The following PHACTR3 variants were observed in gnomAD, a reference collection of about 807,000 sequenced individuals.
The protein encoded by PHACTR3 is protein phosphatase 1, regulatory subunit 123.
A neutral mutation model predicts 66.8 loss-of-function variants in PHACTR3; 16 were observed. The ratio of observed to expected loss-of-function variants is 0.24; its 90% CI spans 0.16 to 0.36. PHACTR3 has a LOEUF of 0.36. Among genes scored for constraint, PHACTR3 ranks in the 10% least tolerant of loss-of-function variants. The probability of loss-of-function intolerance (pLI) is 1.00; values close to 1 mark genes in which losing one functional copy is unlikely to be tolerated. For synonymous variants in PHACTR3, 323 were observed against 292.1 expected (o/e 1.11, Z -1.08); for missense variants, 647 against 719.9 (o/e 0.90, Z 1.16).
At chr20:59,637,605 A>G (rs931579210) in intron 1 of PHACTR3, among the ~76,000 whole-genome samples, 10 of 152,120 alleles carry the variant, frequency 6.6e-5, no homozygotes, top group Admixed American at 5.9e-4. Context: ...TGACCTTGTC[A>G]TTGACTCCTG....
At chr20:59,729,179 A>G (rs1160415297) in intron 1 of PHACTR3, among the ~76,000 whole-genome samples, 1 of 152,050 alleles carries the variant, frequency 6.6e-6, no homozygotes, top group Non-Finnish European at 1.5e-5. Context: ...GGTGTATGCC[A>G]TGTGACCCGA....
chr20:59,780,127 C>A (rs2040673429), intron 7 of PHACTR3, among the ~76,000 whole-genome samples: 1 of 152,160 alleles, frequency 6.6e-6, no homozygotes, highest in African/African-American at 2.4e-5. Flanking sequence ...AGGGAAGAAC[C>A]TACTGATGGA....
At position 59,774,481 on chromosome 20, in the gene PHACTR3, A is replaced by C; in HGVS notation, c.1165A>C (p.Ile389Leu). Residue 389 changes from isoleucine (I) to leucine (L), a missense_variant, in exon 7 of 13, where the codon ATT becomes CTT. Around this residue, in one of 2 missense-constraint regions of PHACTR3, gnomAD observed 577 missense variants for 571.1 expected, o/e 1.01. Coordinates refer to ENST00000371015, the MANE Select transcript of PHACTR3 (RefSeq NM_080672.5). The part of the protein sequence containing the change: ...YQDEEALNDS[I>L]ISGTLPRKCK... ...GGACGAGGAGGCGCTGAACGACTCC[A>C]TTATTTCTGGTGAGGAAAGGATGGC... 6.2e-7 allele frequency: 1 copy of C among 1,613,578 alleles called. No individual in the cohort carries two copies. Among genetic ancestry groups the C allele is most frequent in the Non-Finnish European group, 8.5e-7 (1 of 1,179,712 alleles).
At chr20:59,605,774 A>G (rs1008146825) in intron 1 of PHACTR3, among the ~76,000 whole-genome samples, 4 of 146,458 alleles carry the variant, frequency 2.7e-5, no homozygotes, top group Non-Finnish European at 6.0e-5. Context: ...TGTTTAGGTG[A>G]TAAACCGGTC....
In PHACTR3 at chr20:59,635,425, G is replaced by T. The variant is rs777971092; in HGVS notation, c.118+30293G>T. Among the ~76,000 whole-genome samples, 102 of 150,906 alleles carry T rather than the reference G, an allele frequency of 6.8e-4. 1 individual carries two copies. Among genetic ancestry groups the T allele is most frequent in the Non-Finnish European group, 1.9e-4 (13 of 67,820 alleles). On this transcript the variant is annotated intron_variant, in intron 1 of 12. Transcript: ENST00000371015. ...ATTTTTTTGTATTTATTAGAGACGGGGTTTCACCATGTTAGTCAGGCTGGT... is the reference window on the plus strand; with the variant it reads ...ATTTTTTTGTATTTATTAGAGACGGTGTTTCACCATGTTAGTCAGGCTGGT...
intron 1 of PHACTR3, among the ~76,000 whole-genome samples, chr20:59,596,080 T>C (rs774203509): frequency 4.6e-5 from 7 of 152,158 alleles, no homozygotes; most frequent in Non-Finnish European, 1.0e-4. Flanking sequence ...CCCTCCTCCA[T>C]GGGTAGCTAT....
At chr20:59,718,703 A>G (rs759891978) in intron 1 of PHACTR3, among the ~76,000 whole-genome samples, 1 of 152,230 alleles carries the variant, frequency 6.6e-6, no homozygotes, top group Non-Finnish European at 1.5e-5. Context: ...TGACAGCTGA[A>G]TATTGGCAGT....
intron 1 of PHACTR3, among the ~76,000 whole-genome samples, chr20:59,652,073 C>T (rs1050277277): frequency 4.6e-5 from 7 of 152,078 alleles, no homozygotes; most frequent in African/African-American, 1.2e-4. Context: ...ATGTAACTTC[C>T]AGTCTAAGGG....
intron 1 of PHACTR3, among the ~76,000 whole-genome samples, chr20:59,694,845 G>A (rs2037236958): frequency 6.6e-6 from 1 of 152,174 alleles, no homozygotes; most frequent in African/African-American, 2.4e-5. Context: ...GGTCCAAGGA[G>A]ATAGTGCAGG....
intron 1 of PHACTR3, among the ~76,000 whole-genome samples, chr20:59,686,920 ATTG>A (rs1401999212): frequency 1.5e-5 from 2 of 136,442 alleles, no homozygotes; most frequent in African/African-American, 2.8e-5. Context: ...GATGGTGATG[ATTG>A]TGATGATGGT....
intron 3 of PHACTR3, among the ~76,000 whole-genome samples, chr20:59,750,566 A>G (rs80237393): frequency 0.049 from 7,482 of 152,154 alleles, 261 homozygotes; most frequent in African/African-American, 0.1. Flanking sequence ...GGAAGCAGGA[A>G]AGGGAGAGGG....
Position 59,674,587 on chromosome 20 carries a change from TCTCCTGTCCCCGCTTCTCCTGTTCC to T in PHACTR3, c.119-68518_119-68494del, listed in dbSNP as rs2036338332. ...TTCCCCGCTTCTCCTGTTCCCCCCT[TCTCCTGTCCCCGCTTCTCCTGTTCC>T]CCCCTTCTCCTGTCCCCGCTTCTCC... On this transcript the variant is annotated intron_variant, in intron 1 of 12. Transcript: ENST00000371015. Among the ~76,000 whole-genome samples, 7 of 32,420 alleles carry T rather than the reference TCTCCTGTCCCCGCTTCTCCTGTTCC, an allele frequency of 2.2e-4. 1 individual carries two copies. In the Admixed American group the frequency reaches 2.6e-3, roughly 12 times the overall value. The allele number at this position is 32,420 out of a possible 152,430, so 21.3% of individuals were successfully genotyped here.
At chr20:59,703,565 G>A (rs2037586704) in intron 1 of PHACTR3, among the ~76,000 whole-genome samples, 1 of 152,102 alleles carries the variant, frequency 6.6e-6, no homozygotes, top group African/African-American at 2.4e-5. Flanking sequence ...TTAAACCAAA[G>A]TTTCATTCCA....
At chr20:59,607,360 G>T (rs916375129) in intron 1 of PHACTR3, among the ~76,000 whole-genome samples, 2 of 152,118 alleles carry the variant, frequency 1.3e-5, no homozygotes, top group Admixed American at 6.5e-5. Flanking sequence ...TTCCTAGATA[G>T]CCTCCCTTAT....
At chr20:59,635,152 T>G (rs1203145055) in intron 1 of PHACTR3, among the ~76,000 whole-genome samples, 1 of 36,450 alleles carries the variant, frequency 2.7e-5, no homozygotes. Context: ...TCTTTCTTTT[T>G]CTTTCTTTCT....
At chr20:59,688,542 A>G (rs1370912453) in intron 1 of PHACTR3, among the ~76,000 whole-genome samples, 2 of 152,168 alleles carry the variant, frequency 1.3e-5, no homozygotes, top group Non-Finnish European at 1.5e-5. Context: ...TGGAGTTGCT[A>G]GGAGTTCCAG....
intron 1 of PHACTR3, among the ~76,000 whole-genome samples, chr20:59,712,343 A>G (rs1421266223): frequency 6.6e-6 from 1 of 152,192 alleles, no homozygotes; most frequent in Admixed American, 6.5e-5. Flanking sequence ...GACCTAACCT[A>G]TCCCATATTT....
At chr20:59,840,338 A>ATTT (rs11479086) in intron 9 of PHACTR3, 31 bp from the exon 10 acceptor site, 42 of 1,500,540 alleles carry the variant, frequency 2.8e-5, no homozygotes, top group Non-Finnish European at 3.5e-5. Context: ...TCTCTTTGTT[A>ATTT]TTTTTTTTTT....
intron 1 of PHACTR3, among the ~76,000 whole-genome samples, chr20:59,659,370 CTTTTTT>C (rs757895372): frequency 1.1e-5 from 1 of 92,786 alleles, no homozygotes; most frequent in African/African-American, 4.4e-5. Flanking sequence ...GGGTCTGGGA[CTTTTTT>C]TTTTTTTTTT....
Sources: gnomAD v4.1 joint callset for allele counts (sites outside exome capture counted in the v4.1 genomes callset) on GRCh38, gnomAD v4.1.1 for gene constraint, gnomAD v4.1.1 regional missense constraint, MANE v1.5 for transcripts, NCBI Gene and HGNC (gene_info 2026-07-23, HGNC 2026-07-21) for gene names.